Variants in SERGEF observed in about 807,000 individuals in gnomAD.
SERGEF encodes the protein secretion regulating guanine nucleotide exchange factor.
Under a neutral mutation model 50.0 loss-of-function variants are expected in SERGEF, and 51 were observed. That is an observed-to-expected ratio of 1.02 (90% confidence interval 0.81 to 1.29). SERGEF has a LOEUF of 1.29. Among genes scored for constraint, SERGEF ranks in the 50% most tolerant of loss-of-function variants. The pLI, the probability that SERGEF is intolerant of heterozygous loss-of-function variation, is 0.00. For synonymous variants in SERGEF, 205 were observed against 212.4 expected, an observed-to-expected ratio of 0.97 and a Z score of 0.30; for missense variants, 521 against 557.0, an observed-to-expected ratio of 0.94 and a Z score of 0.65.
rs577656923 is a variant in SERGEF, at chr11:17,808,682, C to T, written c.1049-20269G>A. Among the ~76,000 whole-genome samples, 25 of 152,324 alleles carry T rather than the reference C, an allele frequency of 1.6e-4. 1 individual carries two copies. The South Asian group carries it at 4.6e-3, about 28-fold the overall frequency. ...AGACCCCTGGTCACAAATGGGCCCT[C>T]CAGGATAGTGACATTTCCAGGATAA... On this transcript the variant is annotated intron_variant, in intron 10 of 10. Transcript: ENST00000265965.
intron 9 of SERGEF, among the ~76,000 whole-genome samples, chr11:17,921,914 T>A (rs1852163775): frequency 6.6e-6 from 1 of 152,178 alleles, no homozygotes; most frequent in Non-Finnish European, 1.5e-5. Flanking sequence ...TTAAAGTGAC[T>A]AAATGCACTG....
chr11:17,865,274 C>A (rs1851000883), intron 10 of SERGEF, among the ~76,000 whole-genome samples: 1 of 152,234 alleles, frequency 6.6e-6, no homozygotes, highest in Non-Finnish European at 1.5e-5. Context: ...AAGTCTACCA[C>A]ATACAATTAT....
chr11:17,808,414 C>T (rs564382063), intron 10 of SERGEF, among the ~76,000 whole-genome samples: 41 of 152,076 alleles, frequency 2.7e-4, no homozygotes, highest in Non-Finnish European at 4.4e-4. Flanking sequence ...AGCAAAAGAG[C>T]GAGCAGGGGG....
At chr11:17,790,061 TAGAA>T (rs1371696937) in intron 10 of SERGEF, among the ~76,000 whole-genome samples, 2 of 152,108 alleles carry the variant, frequency 1.3e-5, no homozygotes, top group East Asian at 1.9e-4. Flanking sequence ...AATAATTTAA[TAGAA>T]AGACGCAGAT....
chr11:17,963,395 ATT>A (rs56008022), intron 8 of SERGEF, among the ~76,000 whole-genome samples: 29 of 116,768 alleles, frequency 2.5e-4, no homozygotes, highest in South Asian at 6.1e-4. Flanking sequence ...AAAAAAAAAA[ATT>A]TTTTTTTTGA....
intron 9 of SERGEF, among the ~76,000 whole-genome samples, chr11:17,950,171 A>G (rs759880121): frequency 1.5e-4 from 23 of 152,208 alleles, no homozygotes; most frequent in Non-Finnish European, 2.5e-4. Flanking sequence ...ATTCATCCCT[A>G]TAACAATCAT....
intron 9 of SERGEF, among the ~76,000 whole-genome samples, chr11:17,928,085 T>C (rs1249646021): frequency 6.6e-6 from 1 of 152,236 alleles, no homozygotes; most frequent in African/African-American, 2.4e-5. Flanking sequence ...ATACTAATTA[T>C]GCACGGAAGT....
At chr11:17,858,431 A>G (rs980323879) in intron 10 of SERGEF, among the ~76,000 whole-genome samples, 3 of 152,190 alleles carry the variant, frequency 2.0e-5, no homozygotes, top group Non-Finnish European at 4.4e-5. Context: ...CAGAAAGTCA[A>G]CAACTAAGCA....
chr11:17,840,760 G>C (rs1355418946), intron 10 of SERGEF, among the ~76,000 whole-genome samples: 3 of 152,180 alleles, frequency 2.0e-5, no homozygotes, highest in Non-Finnish European at 4.4e-5. Context: ...CAGCAGCTCA[G>C]CATCCTAGAG....
intron 7 of SERGEF, among the ~76,000 whole-genome samples, chr11:17,992,473 T>C (rs112877915): frequency 6.6e-6 from 1 of 152,274 alleles, no homozygotes; most frequent in African/African-American, 2.4e-5. Flanking sequence ...ATAGATTAGA[T>C]GGATAAGAGA....
Position 17,895,979 on chromosome 11 carries a change from C to G in SERGEF, c.1012-17735G>C, listed in dbSNP as rs759209430. Among the ~76,000 whole-genome samples the G allele has an allele frequency of 4.6e-5, 7 of 152,294 alleles. No homozygotes were observed. In the East Asian group the frequency reaches 1.2e-3, roughly 25 times the overall value. On this transcript the variant is annotated intron_variant, in intron 9 of 10. Transcript: ENST00000265965. Reference sequence around the variant, plus strand: ...CATCATAGGAATATACCTTATTTCACTATTTCTCTTCTATGGGGTACCTAC... The same window carrying G: ...CATCATAGGAATATACCTTATTTCAGTATTTCTCTTCTATGGGGTACCTAC...
rs923749386 is a variant in SERGEF, at chr11:18,012,977, G to C, written c.34C>G (p.Pro12Ala). 8.2e-6 allele frequency: 12 copies of C among 1,471,120 alleles called. No homozygotes were observed. The highest frequency in any genetic ancestry group is 1.5e-5 in the African/African-American group (1 of 67,380). 91.1% of individuals were successfully genotyped at this position (1,471,120 alleles called of 1,614,324 possible). ...CAGGCGAAGAGCGCGGCCGCCGCGG[G>C]GGCGGCCTCCGAGGCGCTGGGCTCG... ...EREPSASEAA[P>A]AAAALFAWGA... The change falls in exon 1 of 11, where the codon CCC (proline) becomes GCC (alanine). Residue 12 changes from proline (P) to alanine (A), a missense_variant. Transcript: ENST00000265965.
chr11:17,946,153 G>A (rs1332699147), intron 9 of SERGEF, among the ~76,000 whole-genome samples: 1 of 152,138 alleles, frequency 6.6e-6, no homozygotes, highest in Non-Finnish European at 1.5e-5. Context: ...CAAAGTCTCT[G>A]GTCCTAGGTC....
intron 5 of SERGEF, among the ~76,000 whole-genome samples, chr11:17,999,183 G>T (rs1853907459): frequency 6.6e-6 from 1 of 152,170 alleles, no homozygotes; most frequent in East Asian, 1.9e-4. Context: ...CTTAGCCTAG[G>T]GCTAAGAAGT....
At chr11:17,904,654 CAAGAAGCA>C (rs1851806177) in intron 9 of SERGEF, among the ~76,000 whole-genome samples, 1 of 152,198 alleles carries the variant, frequency 6.6e-6, no homozygotes, top group African/African-American at 2.4e-5. Flanking sequence ...CCCTAGGTAT[CAAGAAGCA>C]TTTCTTCTTT....
chr11:17,981,947 C>T (rs186194852), intron 8 of SERGEF, among the ~76,000 whole-genome samples: 61 of 152,100 alleles, frequency 4.0e-4, no homozygotes, highest in Middle Eastern at 3.4e-3. Context: ...ACCACAGGCA[C>T]GCACCACCAC....
chr11:17,903,730 T>C (rs1220692360), intron 9 of SERGEF, among the ~76,000 whole-genome samples: 1 of 152,096 alleles, frequency 6.6e-6, no homozygotes, highest in African/African-American at 2.4e-5. Context: ...ATTCCAAAGG[T>C]AAAAATCACA....
In SERGEF at chr11:17,884,827, GAGA is replaced by G. The variant is rs1445036058; in HGVS notation, c.1012-6586_1012-6584del. ...TGCTATCTTCCAGAGAAGTTGGGGT[GAGA>G]AGAAGAGAGCTAAAGTTTGGTTAAG... On this transcript the variant is annotated intron_variant, in intron 9 of 10. Coordinates refer to ENST00000265965, the MANE Select transcript of SERGEF (RefSeq NM_012139.4). The surrounding 1 kb of genome is among the most constrained non-coding windows in gnomAD (Gnocchi z 4.6). 6.6e-6 allele frequency among the ~76,000 whole-genome samples: 1 copy of G among 152,182 alleles called. No individual in the cohort carries two copies. Among genetic ancestry groups the G allele is most frequent in the Admixed American group, 6.5e-5 (1 of 15,278 alleles).
At chr11:17,918,309 T>C (rs1260092820) in intron 9 of SERGEF, among the ~76,000 whole-genome samples, 1 of 152,248 alleles carries the variant, frequency 6.6e-6, no homozygotes, top group African/African-American at 2.4e-5. Context: ...AGAGAACTAC[T>C]TGTAGAAACT....
Sources: allele counts gnomAD v4.1 joint callset (sites outside exome capture counted in the v4.1 genomes callset), GRCh38; gene constraint gnomAD v4.1.1; non-coding constraint Gnocchi (gnomAD v3.1); transcripts MANE v1.5; gene names NCBI Gene and HGNC (gene_info 2026-07-23, HGNC 2026-07-21).